PCDHB13: variants seen among roughly 807,000 people sequenced by gnomAD.
PCDHB13 encodes protocadherin beta-13.
For synonymous variants in PCDHB13, 515 were observed against 450.7 expected (o/e 1.14, Z -1.81); for missense variants, 1,065 against 1,016.7 (o/e 1.05, Z -0.65).
In PCDHB13 at chr5:141,214,614, G is replaced by T. The variant is rs1554287668; in HGVS notation, c.491G>T (p.Gly164Val). The change falls in exon 1 of 1, where the codon GGC becomes GTC. Residue 164 changes from glycine (G) to valine (V), a missense_variant. Transcript: ENST00000341948. ...PLKNAEDLDVGQNNIENYIIS... is the reference protein window; with the variant it reads ...PLKNAEDLDVVQNNIENYIIS... ...AAGAATGCCGAAGACTTAGATGTAGGCCAAAACAATATTGAGAACTATATA... is the reference window on the plus strand; with the variant it reads ...AAGAATGCCGAAGACTTAGATGTAGTCCAAAACAATATTGAGAACTATATA... 4 of 1,614,066 alleles carry T rather than the reference G, an allele frequency of 2.5e-6. No homozygotes were observed. Among genetic ancestry groups the T allele is most frequent in the Non-Finnish European group, 3.4e-6 (4 of 1,180,044 alleles).
Position 141,216,262 on chromosome 5 carries a change from G to A in PCDHB13, c.2139G>A (p.Leu713=), listed in dbSNP as rs375695119. Residue 713 remains leucine, a synonymous_variant, in exon 1 of 1, where the codon CTG becomes CTA. Transcript: ENST00000341948. ...TGCTCCTGTTCGTGGCGGTGCGGCT[G>A]TGTAGGAGGAGCAGGGCGGCCTCGG... The part of the protein sequence containing the change: ...FSVLLFVAVR[L]CRRSRAASVG... 15 of 1,613,604 alleles carry A rather than the reference G, an allele frequency of 9.3e-6. No individual in the cohort carries two copies. The highest frequency in any genetic ancestry group is 1.7e-4 in the Middle Eastern group (1 of 5,810).
In PCDHB13 at chr5:141,216,571, T is replaced by G. The variant is rs782295964; in HGVS notation, c.*51T>G. 3 of 1,428,930 alleles carry G rather than the reference T, an allele frequency of 2.1e-6. No individual in the cohort carries two copies. In the South Asian group the frequency reaches 3.4e-5, roughly 16 times the overall value. The allele number at this position is 1,428,930 out of a possible 1,614,324, so 88.5% of individuals were successfully genotyped here. ...GGTATTTTATTTTGTGGCATTTCCA[T>G]GCCAATGTTTATTTCCCCCAATTTG... On this transcript the variant is annotated 3_prime_UTR_variant, in exon 1 of 1. Transcript: ENST00000341948.
At position 141,215,036 on chromosome 5, in the gene PCDHB13, A is replaced by T; in HGVS notation, c.913A>T (p.Lys305Ter). ...TCCCTTGACAGGAGAAATTGAACTA[A>T]AAAAACAACTCGATTTCGAAAAACT... ...INPLTGEIEL[K>*]KQLDFEKLQS... The change falls in exon 1 of 1, where the codon AAA becomes TAA. Residue 305 changes from lysine to a stop codon, truncating the protein, a stop_gained. Transcript: ENST00000341948. LOFTEE classifies it low-confidence loss of function (END_TRUNC). 1.2e-6 allele frequency: 2 copies of T among 1,614,200 alleles called. No individual in the cohort carries two copies. Among genetic ancestry groups the T allele is most frequent in the Non-Finnish European group, 8.5e-7 (1 of 1,180,036 alleles).
At position 141,214,630 on chromosome 5, in the gene PCDHB13, G is replaced by T. The variant is rs1754538563; in HGVS notation, c.507G>T (p.Glu169Asp). ...EDLDVGQNNI[E>D]NYIISPNSYF... ...TAGATGTAGGCCAAAACAATATTGA[G>T]AACTATATAATCAGCCCCAACTCCT... Residue 169 changes from glutamate to aspartate, a missense_variant, in exon 1 of 1, where the codon GAG becomes GAT. Glu to Asp is a conservative substitution (Grantham distance 45). Transcript: ENST00000341948. 1.2e-6 allele frequency: 2 copies of T among 1,614,174 alleles called. No homozygotes were observed. The highest frequency in any genetic ancestry group is 1.7e-6 in the Non-Finnish European group (2 of 1,180,046).
chr5:141,213,985 G>A lies in PCDHB13; in HGVS notation c.-139G>A, dbSNP rs7726082. On this transcript the variant is annotated 5_prime_UTR_variant, in exon 1 of 1. Coordinates refer to ENST00000341948, the MANE Select transcript of PCDHB13 (RefSeq NM_018933.4). ...CCACGGGGAGCTTGGATGCCAAAGGGAGGACGGCTGGGTCCTCTGGAGAGG... is the reference window on the plus strand; with the variant it reads ...CCACGGGGAGCTTGGATGCCAAAGGAAGGACGGCTGGGTCCTCTGGAGAGG... The A allele has an allele frequency of 3.2e-6, 2 of 633,644 alleles. No individual in the cohort carries two copies. Among genetic ancestry groups the A allele is most frequent in the Non-Finnish European group, 2.8e-6 (1 of 353,200 alleles). The allele number at this position is 633,644 out of a possible 1,614,324, so 39.3% of individuals were successfully genotyped here. A position where few individuals can be genotyped will look rare whatever the true frequency, so the allele number is the denominator to read the frequency against.
In PCDHB13 at chr5:141,215,213, A is replaced by G. The variant is rs782466747; in HGVS notation, c.1090A>G (p.Thr364Ala). ...TSPIPENAPE[T>A]VVALFSVSDL... ...CCCAATACCTGAGAACGCGCCTGAA[A>G]CTGTGGTTGCACTTTTCAGTGTTTC... is the stretch of plus-strand genomic sequence containing the variant. Residue 364 changes from threonine (T) to alanine (A), a missense_variant, in exon 1 of 1, where the codon ACT becomes GCT. By Grantham distance (58) the Thr-to-Ala change is moderately conservative. Transcript: ENST00000341948. 13 of 1,614,040 alleles carry G rather than the reference A, an allele frequency of 8.1e-6. No individual in the cohort carries two copies. In the Admixed American group the frequency reaches 2.0e-4, roughly 25 times the overall value.
chr5:141,216,625 C>G lies in PCDHB13; in HGVS notation c.*105C>G. 1.0e-6 allele frequency: 1 copy of G among 995,048 alleles called. No homozygotes were observed. The highest frequency in any genetic ancestry group is 1.6e-6 in the Non-Finnish European group (1 of 616,084). 61.6% of individuals were successfully genotyped at this position (995,048 alleles called of 1,614,324 possible). On this transcript the variant is annotated 3_prime_UTR_variant, in exon 1 of 1. Transcript: ENST00000341948. ...GTATGTAATATTGTACGGATTTACT[C>G]TTGATTTTTCTCATGTTCTTTCTCC...
At position 141,215,785 on chromosome 5, in the gene PCDHB13, C is replaced by A; in HGVS notation, c.1662C>A (p.Ala554=). The A allele has an allele frequency of 6.2e-7, 1 of 1,611,718 alleles. No homozygotes were observed. Among genetic ancestry groups the A allele is most frequent in the Non-Finnish European group, 8.5e-7 (1 of 1,179,702 alleles). ...TGGTGCGCGTGGTGGTGCTGGACGC[C>A]AACGACAACTCGCCCTTCGTGCTGT... ...EALVRVVVLD[A]NDNSPFVLYP... The change falls in exon 1 of 1, where the codon GCC becomes GCA. Residue 554 remains alanine, a synonymous_variant. Coordinates refer to ENST00000341948, the MANE Select transcript of PCDHB13 (RefSeq NM_018933.4).
At position 141,216,411 on chromosome 5, in the gene PCDHB13, A is replaced by G. The variant is rs782500337; in HGVS notation, c.2288A>G (p.Glu763Gly). 6 of 1,613,996 alleles carry G rather than the reference A, an allele frequency of 3.7e-6. No homozygotes were observed. In the Admixed American group the frequency reaches 8.3e-5, roughly 22 times the overall value. ...VCLAGGSGTN[E>G]FKFLKPIIPN... ...CTGGCAGGAGGCTCAGGGACCAATG[A>G]GTTCAAGTTCCTGAAGCCGATTATC... Residue 763 changes from glutamate to glycine, a missense_variant, in exon 1 of 1, where the codon GAG (glutamate) becomes GGG (glycine). Physicochemically the swap from Glu to Gly is moderately conservative, Grantham distance 98. Coordinates refer to ENST00000341948, the MANE Select transcript of PCDHB13 (RefSeq NM_018933.4).
rs1754647260 is a variant in PCDHB13, at chr5:141,217,715, A to G, written c.*1195A>G. On this transcript the variant is annotated 3_prime_UTR_variant, in exon 1 of 1. Transcript: ENST00000341948. ...CTTTAAGGATCTGACACACTATGTA[A>G]GAAAAAGACTTCAAGGTTGGAGGAG... 6.0e-6 allele frequency: 1 copy of G among 167,164 alleles called. No individual in the cohort carries two copies. Among genetic ancestry groups the G allele is most frequent in the South Asian group, 2.1e-4 (1 of 4,830 alleles). The allele number at this position is 167,164 out of a possible 1,614,324, so 10.4% of individuals were successfully genotyped here. A position where few individuals can be genotyped will look rare whatever the true frequency, so the allele number is the denominator to read the frequency against.
chr5:141,215,711 C>A lies in PCDHB13; in HGVS notation c.1588C>A (p.Arg530Ser). 6.2e-7 allele frequency: 1 copy of A among 1,612,712 alleles called. No homozygotes were observed. Residue 530 changes from arginine (R) to serine (S), a missense_variant, in exon 1 of 1, where the codon CGC becomes AGC. By Grantham distance (110) the Arg-to-Ser change is moderately radical. Coordinates refer to ENST00000341948, the MANE Select transcript of PCDHB13 (RefSeq NM_018933.4). ...CGAGGCCCTGCAGGGGTTCCAGTTC[C>A]GCGTGGGCGCTTCAGACCACGGCTC... is the stretch of plus-strand genomic sequence containing the variant. ...DYEALQGFQFRVGASDHGSPA... is the reference protein window; with the variant it reads ...DYEALQGFQFSVGASDHGSPA...
rs1754539566 is a variant in PCDHB13 at position 141,214,659 on chromosome 5, T to A, written c.536T>A (p.Phe179Tyr). 1.9e-6 allele frequency: 3 copies of A among 1,613,966 alleles called. No homozygotes were observed. Among genetic ancestry groups the A allele is most frequent in the Non-Finnish European group, 2.5e-6 (3 of 1,180,042 alleles). Residue 179 changes from phenylalanine to tyrosine, a missense_variant, in exon 1 of 1, where the codon TTT (phenylalanine) becomes TAT (tyrosine). Transcript: ENST00000341948. ...TATATAATCAGCCCCAACTCCTATTTTCGGGTCCTCACCCGCAAACGCAGT... is the reference window on the plus strand; with the variant it reads ...TATATAATCAGCCCCAACTCCTATTATCGGGTCCTCACCCGCAAACGCAGT... ...ENYIISPNSY[F>Y]RVLTRKRSDG...
Position 141,216,410 on chromosome 5 carries a change from G to T in PCDHB13, c.2287G>T (p.Glu763Ter), listed in dbSNP as rs544699570. Residue 763 changes from glutamate to a stop codon, truncating the protein, a stop_gained, in exon 1 of 1, where the codon GAG becomes TAG. Coordinates refer to ENST00000341948, the MANE Select transcript of PCDHB13 (RefSeq NM_018933.4). LOFTEE classifies it low-confidence loss of function (END_TRUNC). ...VCLAGGSGTN[E>*]FKFLKPIIPN... is the part of the protein sequence containing the mutation. ...TCTGGCAGGAGGCTCAGGGACCAAT[G>T]AGTTCAAGTTCCTGAAGCCGATTAT... is the stretch of plus-strand genomic sequence containing the variant. 11 of 1,614,122 alleles carry T rather than the reference G, an allele frequency of 6.8e-6. No individual in the cohort carries two copies. The Admixed American group carries it at 1.0e-4, about 15-fold the overall frequency.
chr5:141,214,774 T>A lies in PCDHB13; in HGVS notation c.651T>A (p.Asp217Glu). The A allele has an allele frequency of 6.2e-7, 1 of 1,614,182 alleles. No homozygotes were observed. Among genetic ancestry groups the A allele is most frequent in the Non-Finnish European group, 8.5e-7 (1 of 1,180,034 alleles). The change falls in exon 1 of 1, where the codon GAT (aspartate) becomes GAA (glutamate). Residue 217 changes from aspartate (D) to glutamate (E), a missense_variant. Physicochemically the swap from Asp to Glu is conservative, Grantham distance 45. Transcript: ENST00000341948. ...TCAGGTTAACACTCACAGCACTGGA[T>A]GGTGGCTCTCCGCCCAGATCTGGCA... Reference protein sequence around the residue: ...AELRLTLTALDGGSPPRSGTA... With the variant: ...AELRLTLTALEGGSPPRSGTA...
At position 141,215,546 on chromosome 5, in the gene PCDHB13, G is replaced by C; in HGVS notation, c.1423G>C (p.Ala475Pro). 1 of 1,613,762 alleles carries C rather than the reference G, an allele frequency of 6.2e-7. No individual in the cohort carries two copies. ...CGCCCTGCACATCCGCAGCGTCAGC[G>C]CTACAGACAGAGACTCAGGCACCAA... Reference protein sequence around the residue: ...SPALHIRSVSATDRDSGTNAQ... With the variant: ...SPALHIRSVSPTDRDSGTNAQ... Residue 475 changes from alanine to proline, a missense_variant, in exon 1 of 1, where the codon GCT (alanine) becomes CCT (proline). Ala to Pro is a conservative substitution (Grantham distance 27). Transcript: ENST00000341948.
rs1563991815 is a variant in PCDHB13, at chr5:141,217,433, T to G, written c.*913T>G. ...GCTTGTGAACAATGCTTAGTCTTTT[T>G]ATGACATAATTTGAAATTACCTATA... On this transcript the variant is annotated 3_prime_UTR_variant, in exon 1 of 1. Transcript: ENST00000341948. 1 of 167,088 alleles carries G rather than the reference T, an allele frequency of 6.0e-6. No homozygotes were observed. Among genetic ancestry groups the G allele is most frequent in the Admixed American group, 6.5e-5 (1 of 15,286 alleles). 10.4% of individuals were successfully genotyped at this position (167,088 alleles called of 1,614,324 possible). A position where few individuals can be genotyped will look rare whatever the true frequency, so the allele number is the denominator to read the frequency against.
chr5:141,215,960 G>A lies in PCDHB13; in HGVS notation c.1837G>A (p.Gly613Ser). 6.2e-7 allele frequency: 1 copy of A among 1,607,712 alleles called. No individual in the cohort carries two copies. Among genetic ancestry groups the A allele is most frequent in the Non-Finnish European group, 8.5e-7 (1 of 1,179,522 alleles). The part of the protein sequence containing the change: ...SYQLLKATEL[G>S]LFGVWAHNGE... Reference sequence around the variant, plus strand: ...CCAGCTGCTCAAGGCCACGGAGCTCGGTCTGTTCGGCGTGTGGGCGCACAA... The same window carrying A: ...CCAGCTGCTCAAGGCCACGGAGCTCAGTCTGTTCGGCGTGTGGGCGCACAA... Residue 613 changes from glycine to serine, a missense_variant, in exon 1 of 1, where the codon GGT becomes AGT. Coordinates refer to ENST00000341948, the MANE Select transcript of PCDHB13 (RefSeq NM_018933.4).
Position 141,216,263 on chromosome 5 carries a change from T to A in PCDHB13, c.2140T>A (p.Cys714Ser). 1 of 1,613,642 alleles carries A rather than the reference T, an allele frequency of 6.2e-7. No individual in the cohort carries two copies. The highest frequency in any genetic ancestry group is 8.5e-7 in the Non-Finnish European group (1 of 1,179,938). Reference protein sequence around the residue: ...SVLLFVAVRLCRRSRAASVGR... With the variant: ...SVLLFVAVRLSRRSRAASVGR... ...GCTCCTGTTCGTGGCGGTGCGGCTGTGTAGGAGGAGCAGGGCGGCCTCGGT... is the reference window on the plus strand; with the variant it reads ...GCTCCTGTTCGTGGCGGTGCGGCTGAGTAGGAGGAGCAGGGCGGCCTCGGT... The change falls in exon 1 of 1, where the codon TGT becomes AGT. Residue 714 changes from cysteine (C) to serine (S), a missense_variant. Coordinates refer to ENST00000341948, the MANE Select transcript of PCDHB13 (RefSeq NM_018933.4).
Position 141,215,692 on chromosome 5 carries a change from C to T in PCDHB13, c.1569C>T (p.Ala523=), listed in dbSNP as rs782001121. The change falls in exon 1 of 1, where the codon GCC becomes GCT. Residue 523 remains alanine (A), a synonymous_variant. Transcript: ENST00000341948. ...CCCTCAGGTCTCTGGACTACGAGGC[C>T]CTGCAGGGGTTCCAGTTCCGCGTGG... ...LFALRSLDYE[A]LQGFQFRVGA... 6.2e-7 allele frequency: 1 copy of T among 1,612,990 alleles called. No individual in the cohort carries two copies. The highest frequency in any genetic ancestry group is 8.5e-7 in the Non-Finnish European group (1 of 1,179,922).
Sources: allele counts gnomAD v4.1 joint callset, GRCh38; gene constraint gnomAD v4.1.1; transcripts MANE v1.5; gene names NCBI Gene and HGNC (gene_info 2026-07-23, HGNC 2026-07-21).